Variants in TMEM117 observed in about 807,000 individuals in gnomAD.
TMEM117 encodes transmembrane protein 117.
In TMEM117, 27 loss-of-function variants were observed where a neutral mutation model predicts 52.4. The observed-to-expected ratio is 0.51, with a 90% CI of 0.38 to 0.71. The LOEUF is 0.71. Ranked by LOEUF, TMEM117 falls within the 30% of genes least tolerant of loss-of-function variation. The pLI is 0.00. For synonymous variants in TMEM117, 215 were observed against 206.3 expected, an observed-to-expected ratio of 1.04 and a Z score of -0.36; for missense variants, 556 against 630.5, an observed-to-expected ratio of 0.88 and a Z score of 1.26.
intron 2 of TMEM117, among the ~76,000 whole-genome samples, chr12:43,897,001 A>G (rs76196511): frequency 0.014 from 2,066 of 152,262 alleles, 35 homozygotes; most frequent in African/African-American, 0.048. Flanking sequence ...GAATGACTAG[A>G]CCTAGTTGCC....
At chr12:43,859,796 T>C (rs1181222446) in intron 2 of TMEM117, among the ~76,000 whole-genome samples, 1 of 152,226 alleles carries the variant, frequency 6.6e-6, no homozygotes, top group Non-Finnish European at 1.5e-5. Context: ...TAAGGACTCC[T>C]ATTCCCTGAG....
rs1353124034 is a variant in TMEM117, at chr12:44,211,391, G to C, written c.608+4G>C. On this transcript the variant is annotated splice_donor_region_variant and intron_variant, in intron 5 of 7. Coordinates refer to ENST00000266534, the MANE Select transcript of TMEM117 (RefSeq NM_032256.3). ...ATGTTAGGATCACTTTATTCTGGTA[G>C]GAAATTGTTTCACTTATTTATTTCT... 4.4e-6 allele frequency: 7 copies of C among 1,591,808 alleles called. No individual in the cohort carries two copies. In the Admixed American group the frequency reaches 1.2e-4, roughly 28 times the overall value.
chr12:44,049,233 C>G (rs1386890641), intron 3 of TMEM117, among the ~76,000 whole-genome samples: 2 of 152,144 alleles, frequency 1.3e-5, no homozygotes, highest in African/African-American at 2.4e-5. Flanking sequence ...ACTACGCAGC[C>G]ATAAAAAGGT....
intron 3 of TMEM117, among the ~76,000 whole-genome samples, chr12:44,079,334 A>G (rs917299176): frequency 1.3e-5 from 2 of 152,184 alleles, no homozygotes; most frequent in Non-Finnish European, 2.9e-5. Context: ...CACCAACAGT[A>G]TAAAAGCATT....
At chr12:43,886,266 A>C (rs1943992565) in intron 2 of TMEM117, among the ~76,000 whole-genome samples, 1 of 152,156 alleles carries the variant, frequency 6.6e-6, no homozygotes, top group Non-Finnish European at 1.5e-5. Context: ...GTGTACCTGC[A>C]AAGAAGAGGA....
intron 3 of TMEM117, among the ~76,000 whole-genome samples, chr12:43,955,163 A>C (rs1457358830): frequency 1.3e-5 from 2 of 151,826 alleles, no homozygotes. Context: ...ATGACAAAAA[A>C]CAGTCAATAA....
At chr12:43,909,878 G>A (rs545117856) in intron 2 of TMEM117, among the ~76,000 whole-genome samples, 15 of 133,302 alleles carry the variant, frequency 1.1e-4, no homozygotes, top group African/African-American at 3.6e-4. Context: ...AAAGAGTCCA[G>A]GACCAGATGG....
chr12:43,912,499 A>G (rs1323514262), intron 2 of TMEM117, among the ~76,000 whole-genome samples: 7 of 139,520 alleles, frequency 5.0e-5, no homozygotes, highest in Admixed American at 3.5e-4. Context: ...AAGTATAATA[A>G]TAATAATTTA....
chr12:44,335,670 G>C (rs1951331901), intron 6 of TMEM117, among the ~76,000 whole-genome samples: 1 of 151,884 alleles, frequency 6.6e-6, no homozygotes, highest in Non-Finnish European at 1.5e-5. Flanking sequence ...CATAATCTTG[G>C]TAAAGACATG....
chr12:44,228,899 A>G (rs1267777428), intron 5 of TMEM117, among the ~76,000 whole-genome samples: 1 of 152,130 alleles, frequency 6.6e-6, no homozygotes, highest in Non-Finnish European at 1.5e-5. Context: ...GTGAAATTTT[A>G]GGCAACTTTA....
chr12:44,212,358 A>T (rs556122312), intron 5 of TMEM117, among the ~76,000 whole-genome samples: 12 of 152,264 alleles, frequency 7.9e-5, no homozygotes, highest in African/African-American at 2.9e-4. Flanking sequence ...AAGGTATTGC[A>T]GTGCTGTGTC....
At chr12:44,167,508 A>G (rs1362330816) in intron 4 of TMEM117, among the ~76,000 whole-genome samples, 1 of 152,072 alleles carries the variant, frequency 6.6e-6, no homozygotes, top group Non-Finnish European at 1.5e-5. Context: ...CTCTACTAAA[A>G]ATACAAAAAA....
the TMEM117 span, chr12:43,799,496 C>A: frequency 6.3e-7 from 1 of 1,586,080 alleles, no homozygotes; most frequent in Non-Finnish European, 8.6e-7. Context: ...TGTAATGATA[C>A]ATCTTCCTGT....
At chr12:44,091,176 C>T (rs878899278) in intron 3 of TMEM117, among the ~76,000 whole-genome samples, 1 of 152,070 alleles carries the variant, frequency 6.6e-6, no homozygotes, top group Non-Finnish European at 1.5e-5. Context: ...AAAGTGGAAA[C>T]CCCTGATAAA....
At chr12:43,988,245 A>T (rs1246785922) in intron 3 of TMEM117, among the ~76,000 whole-genome samples, 1 of 152,096 alleles carries the variant, frequency 6.6e-6, no homozygotes, top group Admixed American at 6.6e-5. Flanking sequence ...ATATTAAAAA[A>T]TGTGTGTATG....
chr12:43,918,852 C>T (rs1043585765), intron 2 of TMEM117, among the ~76,000 whole-genome samples: 4 of 152,214 alleles, frequency 2.6e-5, no homozygotes, highest in Non-Finnish European at 5.9e-5. Flanking sequence ...ATCCACTTTT[C>T]TGTCTTAATT....
At chr12:44,209,441 A>G (rs1485695168) in intron 4 of TMEM117, among the ~76,000 whole-genome samples, 1 of 151,470 alleles carries the variant, frequency 6.6e-6, no homozygotes, top group African/African-American at 2.4e-5. Flanking sequence ...AGTTGAAAAA[A>G]TCATCGATGA....
At chr12:43,909,720 A>T (rs1407810110) in intron 2 of TMEM117, among the ~76,000 whole-genome samples, 3 of 151,678 alleles carry the variant, frequency 2.0e-5, no homozygotes. Context: ...AAACACCTCT[A>T]CGCAAATAAA....
chr12:43,867,192 A>G (rs1008306422), intron 2 of TMEM117, among the ~76,000 whole-genome samples: 11 of 152,240 alleles, frequency 7.2e-5, no homozygotes, highest in African/African-American at 2.4e-5. Flanking sequence ...TATGACAATA[A>G]TGACAGATTG....
Sources: gnomAD v4.1 joint callset for allele counts (sites outside exome capture counted in the v4.1 genomes callset) on GRCh38, gnomAD v4.1.1 for gene constraint, MANE v1.5 for transcripts, NCBI Gene and HGNC (gene_info 2026-07-23, HGNC 2026-07-21) for gene names.